Variants in RMST observed in about 807,000 individuals in gnomAD.
The protein encoded by RMST is long intergenic non-protein coding RNA 54.
chr12:97,489,212 G>A (rs1187487587), intron 5 of RMST, among the ~76,000 whole-genome samples: 1 of 152,198 alleles, frequency 6.6e-6, no homozygotes, highest in African/African-American at 2.4e-5. Context: ...TTGGGAAGCT[G>A]AGGTGGGAAG....
At chr12:97,472,206 CT>C (rs550535646) in intron 5 of RMST, among the ~76,000 whole-genome samples, 1 of 152,070 alleles carries the variant, frequency 6.6e-6, no homozygotes, top group African/African-American at 2.4e-5. Flanking sequence ...GTGTTAGCAG[CT>C]TTTAATTTTA....
intron 5 of RMST, among the ~76,000 whole-genome samples, chr12:97,479,892 C>G (rs1875025832): frequency 6.6e-6 from 1 of 152,118 alleles, no homozygotes; most frequent in Non-Finnish European, 1.5e-5. Flanking sequence ...CGTGTGCAAA[C>G]TAACCTCATC....
In RMST at chr12:97,548,563, G is replaced by A. The variant is rs143491100; in HGVS notation, n.1546-11974G>A. Among the ~76,000 whole-genome samples, 1,444 of 151,824 alleles carry A rather than the reference G, an allele frequency of 9.5e-3. 24 individuals carry two copies. Among genetic ancestry groups the A allele is most frequent in the African/African-American group, 0.033 (1,368 of 41,456 alleles). On this transcript the variant is annotated intron_variant and non_coding_transcript_variant, in intron 11 of 13. Transcript: ENST00000640149. ...ATGTCTTATAGTTTTCAGTGTGTAG[G>A]TTTTTCACCTCCTTGGTTAAATTTA...
At chr12:97,539,802 G>A (rs1329115561) in intron 11 of RMST, among the ~76,000 whole-genome samples, 1 of 151,414 alleles carries the variant, frequency 6.6e-6, no homozygotes, top group African/African-American at 2.4e-5. Context: ...TTGTCTTTAG[G>A]CAAATCACCC....
At chr12:97,532,992 T>A (rs139260451) in intron 11 of RMST, 12 of 151,774 alleles carry the variant, frequency 7.9e-5, no homozygotes, top group Admixed American at 7.9e-4. Context: ...CAAATAATAA[T>A]AAGAAGAAAA....
At chr12:97,536,285 G>A (rs943468142) in intron 11 of RMST, among the ~76,000 whole-genome samples, 2 of 149,256 alleles carry the variant, frequency 1.3e-5, no homozygotes, top group African/African-American at 5.0e-5. Flanking sequence ...TGCAATGTGA[G>A]GAAAAAACAT....
At chr12:97,563,376 CAAAATGA>C (rs1445445611) in intron 13 of RMST, 2 of 200,800 alleles carry the variant, frequency 1.0e-5, no homozygotes, top group Non-Finnish European at 2.0e-5. Context: ...CCACCTGACC[CAAAATGA>C]AAAGTCTAAA....
chr12:97,471,682 G>A (rs915518507), intron 5 of RMST, among the ~76,000 whole-genome samples: 2 of 152,168 alleles, frequency 1.3e-5, no homozygotes, highest in Admixed American at 1.3e-4. Flanking sequence ...TAGCTACAGT[G>A]TGTAACTGTT....
chr12:97,555,723 A>G (rs1883659118), intron 11 of RMST, among the ~76,000 whole-genome samples: 1 of 152,228 alleles, frequency 6.6e-6, no homozygotes, highest in African/African-American at 2.4e-5. Context: ...AGCAAAGTCA[A>G]TAAAAATGAT....
At chr12:97,466,378 C>T (rs2136374852) in intron 5 of RMST, among the ~76,000 whole-genome samples, 1 of 152,268 alleles carries the variant, frequency 6.6e-6, no homozygotes, top group Non-Finnish European at 1.5e-5. Context: ...TTTCTTACTT[C>T]AAGTCCTCTT....
chr12:97,554,036 C>A (rs1207241094), intron 11 of RMST, among the ~76,000 whole-genome samples: 2 of 150,200 alleles, frequency 1.3e-5, no homozygotes, highest in Non-Finnish European at 3.0e-5. Context: ...TTCACTGCAA[C>A]CTCCGCCTCC....
chr12:97,492,138 A>G (rs915184994), intron 5 of RMST, among the ~76,000 whole-genome samples: 3 of 152,222 alleles, frequency 2.0e-5, no homozygotes, highest in Non-Finnish European at 4.4e-5. Flanking sequence ...AGTAATTTAT[A>G]ATGAACTTGA....
At chr12:97,464,430 G>A (rs1043291701) in intron 4 of RMST, among the ~76,000 whole-genome samples, 2 of 152,316 alleles carry the variant, frequency 1.3e-5, no homozygotes, top group Non-Finnish European at 2.9e-5. Context: ...GGAGCTTCCT[G>A]TGATATATTG....
chr12:97,548,463 C>T (rs1239220178), intron 11 of RMST, among the ~76,000 whole-genome samples: 1 of 151,974 alleles, frequency 6.6e-6, no homozygotes, highest in Non-Finnish European at 1.5e-5. Context: ...TGCTTTGAAT[C>T]TGTAGATCAT....
chr12:97,543,903 C>T (rs1882740791), intron 11 of RMST, among the ~76,000 whole-genome samples: 1 of 151,986 alleles, frequency 6.6e-6, no homozygotes, highest in South Asian at 2.1e-4. Context: ...ATCCTATAGC[C>T]ATGATCTCTT....
At chr12:97,519,339 T>TGGGA (rs1880274717) in intron 10 of RMST, among the ~76,000 whole-genome samples, 1 of 152,180 alleles carries the variant, frequency 6.6e-6, no homozygotes, top group East Asian at 1.9e-4. Context: ...GGAAATCACT[T>TGGGA]CTTGACATTT....
At chr12:97,510,768 C>A (rs1879193479) in intron 10 of RMST, among the ~76,000 whole-genome samples, 1 of 152,084 alleles carries the variant, frequency 6.6e-6, no homozygotes, top group African/African-American at 2.4e-5. Flanking sequence ...CCAAAATAGT[C>A]AAAAATTTAA....
intron 5 of RMST, among the ~76,000 whole-genome samples, chr12:97,477,166 T>A (rs773476974): frequency 1.3e-5 from 2 of 152,198 alleles, no homozygotes; most frequent in Non-Finnish European, 2.9e-5. Context: ...AGAGACATAG[T>A]GCATGGGGCA....
intron 4 of RMST, among the ~76,000 whole-genome samples, chr12:97,463,850 G>A (rs1367047962): frequency 6.6e-6 from 1 of 151,996 alleles, no homozygotes; most frequent in Admixed American, 6.6e-5. Flanking sequence ...GTTTATGGAA[G>A]CCTATATGTT....
Sources: gnomAD v4.1 joint callset for allele counts (sites outside exome capture counted in the v4.1 genomes callset) on GRCh38, gnomAD v4.1.1 for gene constraint, MANE v1.5 for transcripts, NCBI Gene and HGNC (gene_info 2026-07-23, HGNC 2026-07-21) for gene names.